The following KIF13B variants were observed in gnomAD, a reference collection of about 807,000 sequenced individuals.
KIF13B encodes the protein kinesin family member 13B.
In KIF13B, 127 loss-of-function variants were observed where a neutral mutation model predicts 222.0. The observed-to-expected ratio is 0.57, with a 90% CI of 0.50 to 0.66. The LOEUF (loss-of-function observed/expected upper bound fraction) is 0.66. Ranked by LOEUF, KIF13B falls within the 30% of genes least tolerant of loss-of-function variation. The pLI, the probability that KIF13B is intolerant of heterozygous loss-of-function variation, is 0.00. For synonymous variants in KIF13B, 976 were observed against 919.0 expected (o/e 1.06, Z -1.12); for missense variants, 2,173 against 2,379.0 (o/e 0.91, Z 1.80).
At chr8:29,097,956 G>C (rs1211446717) in intron 36 of KIF13B, among the ~76,000 whole-genome samples, 1 of 151,056 alleles carries the variant, frequency 6.6e-6, no homozygotes, top group East Asian at 2.0e-4. Context: ...CAGATCACAA[G>C]GTCAGGAGAT....
At chr8:29,239,962 C>T (rs918312178) in intron 2 of KIF13B, among the ~76,000 whole-genome samples, 7 of 150,110 alleles carry the variant, frequency 4.7e-5, no homozygotes, top group Non-Finnish European at 7.4e-5. Flanking sequence ...TGCGCCTGGC[C>T]GCAATACACC....
At chr8:29,119,089 A>T (rs1809737630) in intron 29 of KIF13B, 97 bp from the exon 30 acceptor site, 4 of 1,293,048 alleles carry the variant, frequency 3.1e-6, no homozygotes, top group Non-Finnish European at 4.3e-6. Context: ...CTTCTGCTTC[A>T]AATTTCATTT....
At chr8:29,150,167 T>C in intron 15 of KIF13B, 130 bp downstream of exon 15, 1 of 594,768 alleles carries the variant, frequency 1.7e-6, no homozygotes, top group East Asian at 2.9e-5. Flanking sequence ...ATAATACACA[T>C]GCAGCAAATA....
rs151275507 is a variant in KIF13B, at chr8:29,068,307, C to T, written c.*2197G>A. 6.6e-6 allele frequency: 1 copy of T among 152,278 alleles called. No homozygotes were observed. Among genetic ancestry groups the T allele is most frequent in the African/African-American group, 2.4e-5 (1 of 41,424 alleles). 9.4% of individuals were successfully genotyped at this position (152,278 alleles called of 1,614,324 possible). On this transcript the variant is annotated 3_prime_UTR_variant, in exon 40 of 40. Transcript: ENST00000524189. The surrounding 1 kb of genome is among the most constrained non-coding windows in gnomAD (Gnocchi z 4.4). ...ACGGAGGCCAGCCCGCCCTGGCCCA[C>T]CACTCTGGAGACCGCACCTCCTGCC...
Position 29,122,613 on chromosome 8 carries a change from A to G in KIF13B, c.3513T>C (p.Pro1171=). ...TACCATTTAAGTCCAGGAATATAAC[A>G]GGAATGTGTGTCTCCATCCCAGGTA... ...TPVPGMETHI[P]VIFLDLNADD... is the part of the protein sequence containing the mutation. The change falls in exon 29 of 40, where the codon CCT becomes CCC. Residue 1171 remains proline, a synonymous_variant. Transcript: ENST00000524189. 6.2e-7 allele frequency: 1 copy of G among 1,610,440 alleles called. No homozygotes were observed. Among genetic ancestry groups the G allele is most frequent in the Non-Finnish European group, 8.5e-7 (1 of 1,178,306 alleles).
intron 2 of KIF13B, among the ~76,000 whole-genome samples, chr8:29,226,813 T>C (rs1335973579): frequency 1.3e-5 from 2 of 152,230 alleles, no homozygotes; most frequent in Non-Finnish European, 2.9e-5. Context: ...TCTTAGCAAA[T>C]AGCTTCTGTT....
chr8:29,160,713 A>G lies in KIF13B; in HGVS notation c.1404+20T>C, dbSNP rs753446877. 1 of 1,604,110 alleles carries G rather than the reference A, an allele frequency of 6.2e-7. No individual in the cohort carries two copies. The highest frequency in any genetic ancestry group is 8.5e-7 in the Non-Finnish European group (1 of 1,174,918). On this transcript the variant is annotated intron_variant, in intron 13 of 39. Transcript: ENST00000524189. ...TCCTATTTTGTAACAAGAATCTAGT[A>G]GCAAAGCACATTACTTCACCTTTAA... is the stretch of plus-strand genomic sequence containing the variant.
At chr8:29,133,228 T>G (rs572413290) in intron 22 of KIF13B, among the ~76,000 whole-genome samples, 6 of 152,162 alleles carry the variant, frequency 3.9e-5, no homozygotes, top group Non-Finnish European at 8.8e-5. Flanking sequence ...AAGAACTACT[T>G]TGGGCAAAAT....
At chr8:29,127,085 G>A in intron 25 of KIF13B, 37 bp downstream of exon 25, 4 of 1,599,890 alleles carry the variant, frequency 2.5e-6, no homozygotes, top group Non-Finnish European at 3.4e-6. Flanking sequence ...GTCTGATTTT[G>A]TCTTTCAAGA....
chr8:29,092,729 T>C lies in KIF13B; in HGVS notation c.4458+16A>G. On this transcript the variant is annotated intron_variant, in intron 37 of 39. Coordinates refer to ENST00000524189, the MANE Select transcript of KIF13B (RefSeq NM_015254.4). ...ATTAGAAAAACGTTCACAGCTGTTT[T>C]CTCGGTGCTTTTTACCTGGTGTGCG... 6.2e-7 allele frequency: 1 copy of C among 1,602,132 alleles called. No homozygotes were observed. Among genetic ancestry groups the C allele is most frequent in the Non-Finnish European group, 8.5e-7 (1 of 1,175,824 alleles).
chr8:29,162,065 T>C (rs932912808), intron 12 of KIF13B, among the ~76,000 whole-genome samples: 1 of 152,186 alleles, frequency 6.6e-6, no homozygotes, highest in Non-Finnish European at 1.5e-5. Flanking sequence ...TGAACATCTG[T>C]ACATCGTAAG....
At chr8:29,095,427 T>C (rs539337312) in intron 36 of KIF13B, among the ~76,000 whole-genome samples, 4 of 152,298 alleles carry the variant, frequency 2.6e-5, no homozygotes, top group South Asian at 4.1e-4. Flanking sequence ...GAAATAAAGA[T>C]ACTTTCAAAA....
At chr8:29,104,483 T>C (rs895843045) in intron 35 of KIF13B, among the ~76,000 whole-genome samples, 3 of 152,152 alleles carry the variant, frequency 2.0e-5, no homozygotes, top group East Asian at 3.9e-4. Flanking sequence ...TTTCCCCACG[T>C]TTGCATTGAT....
chr8:29,144,994 A>C (rs1810993915), intron 18 of KIF13B, among the ~76,000 whole-genome samples: 1 of 152,146 alleles, frequency 6.6e-6, no homozygotes, highest in Non-Finnish European at 1.5e-5. Flanking sequence ...AAAATCTTTC[A>C]GGTTTCTGCT....
At chr8:29,225,571 T>C (rs1814984580) in intron 2 of KIF13B, among the ~76,000 whole-genome samples, 1 of 152,236 alleles carries the variant, frequency 6.6e-6, no homozygotes. Flanking sequence ...CCTGGAAATC[T>C]AAACATTTGT....
Position 29,262,905 on chromosome 8 carries a change from C to A in KIF13B, c.55+75G>T, listed in dbSNP as rs1019776922. 1.4e-4 allele frequency: 178 copies of A among 1,273,390 alleles called. 1 individual carries two copies. Among genetic ancestry groups the A allele is most frequent in the South Asian group, 1.3e-3 (91 of 71,062 alleles). 78.9% of individuals were successfully genotyped at this position (1,273,390 alleles called of 1,614,324 possible). A position where few individuals can be genotyped will look rare whatever the true frequency, so the allele number is the denominator to read the frequency against. ...ATAGGGGCGGGGCCGCCGGACCCCC[C>A]ACGGCGGCCGAGGGAAGGGCGCGCC... On this transcript the variant is annotated intron_variant, in intron 1 of 39. Transcript: ENST00000524189.
chr8:29,157,392 CAAAAAAAAA>C (rs371702237), intron 13 of KIF13B, among the ~76,000 whole-genome samples: 9 of 89,184 alleles, frequency 1.0e-4, no homozygotes, highest in African/African-American at 4.0e-4. Flanking sequence ...TCGTCTCTAC[CAAAAAAAAA>C]AAAAAAAAAA....
intron 21 of KIF13B, among the ~76,000 whole-genome samples, chr8:29,139,567 C>T (rs1810715025): frequency 6.6e-6 from 1 of 152,232 alleles, no homozygotes; most frequent in African/African-American, 2.4e-5. Context: ...ACAGCTCCAG[C>T]TTCCCGCTAC....
In KIF13B at chr8:29,134,100, G is replaced by A; in HGVS notation, c.2724C>T (p.Asp908=). 1 of 1,613,928 alleles carries A rather than the reference G, an allele frequency of 6.2e-7. No homozygotes were observed. The highest frequency in any genetic ancestry group is 1.1e-5 in the South Asian group (1 of 91,080). ...QEPVIVAPEV[D]TSSSSVSKEP... is the part of the protein sequence containing the mutation. ...CCTTGCTGACGGAAGAGGAGGAGGT[G>A]TCCACTTCAGGAGCGACAATCACCG... Residue 908 remains aspartate, a synonymous_variant, in exon 22 of 40, where the codon GAC becomes GAT. Transcript: ENST00000524189.
Sources: allele counts gnomAD v4.1 joint callset (sites outside exome capture counted in the v4.1 genomes callset), GRCh38; gene constraint gnomAD v4.1.1; non-coding constraint Gnocchi (gnomAD v3.1); transcripts MANE v1.5; gene names NCBI Gene and HGNC (gene_info 2026-07-23, HGNC 2026-07-21).